Variants in ADAMTS16 observed in about 807,000 individuals in gnomAD.
The protein encoded by ADAMTS16 is A disintegrin and metalloproteinase with thrombospondin motifs 16.
Under a neutral mutation model 145.8 loss-of-function variants are expected in ADAMTS16, and 94 were observed. The ratio of observed to expected loss-of-function variants is 0.64; its 90% CI spans 0.55 to 0.77. The LOEUF is 0.77. Among genes scored for constraint, ADAMTS16 ranks in the 30% least tolerant of loss-of-function variants. The pLI is 0.00. For missense variants in ADAMTS16, 1,585 were observed against 1,591.5 expected, an observed-to-expected ratio of 1.00 and a Z score of 0.07; for synonymous variants, 659 against 604.3, an observed-to-expected ratio of 1.09 and a Z score of -1.33.
rs924367803 is a variant in ADAMTS16 at position 5,195,806 on chromosome 5, C to T, written c.1313+4016C>T. Among the ~76,000 whole-genome samples the T allele has an allele frequency of 2.0e-5, 3 of 152,302 alleles. No homozygotes were observed. The East Asian group carries it at 5.8e-4, about 29-fold the overall frequency. On this transcript the variant is annotated intron_variant, in intron 8 of 22. Coordinates refer to ENST00000274181, the MANE Select transcript of ADAMTS16 (RefSeq NM_139056.4). Reference sequence around the variant, plus strand: ...CATTGTGTAGGAGTCTACAAAAAGACTAGTGATCTATGCCCTTCCAAAGTT... The same window carrying T: ...CATTGTGTAGGAGTCTACAAAAAGATTAGTGATCTATGCCCTTCCAAAGTT...
intron 18 of ADAMTS16, among the ~76,000 whole-genome samples, chr5:5,302,101 C>T (rs1251620685): frequency 6.6e-6 from 1 of 152,182 alleles, no homozygotes; most frequent in Non-Finnish European, 1.5e-5. Flanking sequence ...CCCCCTTCCT[C>T]TTGACGGCCT....
At chr5:5,223,956 T>G (rs564745103) in intron 11 of ADAMTS16, among the ~76,000 whole-genome samples, 7 of 151,982 alleles carry the variant, frequency 4.6e-5, no homozygotes, top group Admixed American at 3.9e-4. Context: ...TCTATTATGT[T>G]TAAATACCAA....
intron 21 of ADAMTS16, among the ~76,000 whole-genome samples, chr5:5,316,807 C>T (rs1293900048): frequency 6.6e-6 from 1 of 152,148 alleles, no homozygotes; most frequent in African/African-American, 2.4e-5. Context: ...AGCTTCTCCC[C>T]GTCGGACCAC....
chr5:5,201,209 G>C (rs569210183), intron 9 of ADAMTS16, among the ~76,000 whole-genome samples: 1 of 152,104 alleles, frequency 6.6e-6, no homozygotes, highest in Non-Finnish European at 1.5e-5. Context: ...GCGGGACAAG[G>C]GTGGTGTTCC....
At position 5,269,281 on chromosome 5, in the gene ADAMTS16, T is replaced by C. The variant is rs1738375183; in HGVS notation, c.2789+6498T>C. On this transcript the variant is annotated intron_variant, in intron 18 of 22. Transcript: ENST00000274181. The surrounding 1 kb of genome is among the most constrained non-coding windows in gnomAD (Gnocchi z 4.3). ...GCCTTGCTTCACCCTCGCTCCCCTA[T>C]ACTACCCTGGTCACCTCAGCCTGGA... Among the ~76,000 whole-genome samples, 1 of 152,040 alleles carries C rather than the reference T, an allele frequency of 6.6e-6. No individual in the cohort carries two copies. The highest frequency in any genetic ancestry group is 2.1e-4 in the South Asian group (1 of 4,820).
chr5:5,213,982 C>G (rs573706462), intron 10 of ADAMTS16, among the ~76,000 whole-genome samples: 41 of 152,334 alleles, frequency 2.7e-4, no homozygotes, highest in African/African-American at 8.9e-4. Flanking sequence ...GCTGAACAGG[C>G]CTCTACTCTG....
At chr5:5,244,608 C>A (rs1737386673) in intron 17 of ADAMTS16, among the ~76,000 whole-genome samples, 1 of 152,204 alleles carries the variant, frequency 6.6e-6, no homozygotes, top group African/African-American at 2.4e-5. Flanking sequence ...TAACTTGGTT[C>A]AAACAGGTTT....
At chr5:5,312,012 C>A (rs561656332) in intron 21 of ADAMTS16, among the ~76,000 whole-genome samples, 3 of 152,162 alleles carry the variant, frequency 2.0e-5, no homozygotes, top group African/African-American at 7.2e-5. Flanking sequence ...CCACTGCACT[C>A]GGCCATCGGT....
chr5:5,253,721 C>T (rs879690101), intron 17 of ADAMTS16, among the ~76,000 whole-genome samples: 20 of 152,172 alleles, frequency 1.3e-4, no homozygotes, highest in Non-Finnish European at 2.5e-4. Flanking sequence ...CGAAGATTCT[C>T]CAATCCAGAC....
At chr5:5,175,994 C>T (rs551021970) in intron 3 of ADAMTS16, 33 of 152,352 alleles carry the variant, frequency 2.2e-4, no homozygotes, top group African/African-American at 7.7e-4. Flanking sequence ...TGGTTGCTTA[C>T]CTGAATTGTG....
At chr5:5,149,747 C>T (rs1324521489) in intron 3 of ADAMTS16, among the ~76,000 whole-genome samples, 2 of 152,156 alleles carry the variant, frequency 1.3e-5, no homozygotes, top group Non-Finnish European at 1.5e-5. Context: ...CATTCCCATC[C>T]TAGGTAGTAT....
chr5:5,312,209 C>T (rs1351410203), intron 21 of ADAMTS16, among the ~76,000 whole-genome samples: 6 of 152,158 alleles, frequency 3.9e-5, no homozygotes, highest in Admixed American at 3.3e-4. Flanking sequence ...CCTCTGCTTC[C>T]TGTTTACCTC....
intron 4 of ADAMTS16, among the ~76,000 whole-genome samples, chr5:5,184,711 G>A (rs1735448899): frequency 6.6e-6 from 1 of 151,984 alleles, no homozygotes; most frequent in Admixed American, 6.6e-5. Context: ...TGTGTGTTCT[G>A]GGGACAACGT....
chr5:5,213,141 T>C (rs1736323301), intron 10 of ADAMTS16, among the ~76,000 whole-genome samples: 1 of 152,222 alleles, frequency 6.6e-6, no homozygotes, highest in African/African-American at 2.4e-5. Context: ...CAAAATGCAA[T>C]GTTGTAGTTT....
At chr5:5,294,607 A>C (rs1317289795) in intron 18 of ADAMTS16, among the ~76,000 whole-genome samples, 3 of 152,246 alleles carry the variant, frequency 2.0e-5, no homozygotes, top group African/African-American at 7.2e-5. Context: ...AGAAATGTCT[A>C]GAATAATGCT....
At chr5:5,142,536 C>T (rs1257444485) in intron 2 of ADAMTS16, among the ~76,000 whole-genome samples, 1 of 152,196 alleles carries the variant, frequency 6.6e-6, no homozygotes, top group East Asian at 1.9e-4. Flanking sequence ...AGAAAAGATC[C>T]TCCTCAACAG....
At chr5:5,158,325 T>C (rs1734653990) in intron 3 of ADAMTS16, among the ~76,000 whole-genome samples, 1 of 151,976 alleles carries the variant, frequency 6.6e-6, no homozygotes. Flanking sequence ...GATGGATGGG[T>C]GGGAAGATGG....
chr5:5,193,457 G>A (rs1735719771), intron 8 of ADAMTS16, among the ~76,000 whole-genome samples: 1 of 152,126 alleles, frequency 6.6e-6, no homozygotes, highest in Admixed American at 6.5e-5. Flanking sequence ...AACAACATGA[G>A]GCTCCTGCTG....
chr5:5,175,879 AG>A (rs1050097200), intron 3 of ADAMTS16: 1 of 152,352 alleles, frequency 6.6e-6, no homozygotes, highest in Non-Finnish European at 1.5e-5. Flanking sequence ...GGCCACTGCC[AG>A]GAGATGGGGA....
Sources: allele counts gnomAD v4.1 joint callset (sites outside exome capture counted in the v4.1 genomes callset), GRCh38; gene constraint gnomAD v4.1.1; non-coding constraint Gnocchi (gnomAD v3.1); transcripts MANE v1.5; gene names NCBI Gene and HGNC (gene_info 2026-07-23, HGNC 2026-07-21).